The following ADAM12 variants were observed in gnomAD, a reference collection of about 807,000 sequenced individuals.
The protein encoded by ADAM12 is disintegrin and metalloproteinase domain-containing protein 12.
In ADAM12, 70 loss-of-function variants were observed where a neutral mutation model predicts 106.4. That is an observed-to-expected ratio of 0.66 (90% CI 0.54 to 0.80). The LOEUF (loss-of-function observed/expected upper bound fraction) is 0.80. Among genes scored for constraint, ADAM12 ranks in the 30% least tolerant of loss-of-function variants. The pLI, the probability that ADAM12 is intolerant of heterozygous loss-of-function variation, is 0.00. For missense variants in ADAM12, 1,010 were observed against 1,171.9 expected (o/e 0.86, Z 2.02); for synonymous variants, 420 against 433.5 (o/e 0.97, Z 0.39).
intron 11 of ADAM12, among the ~76,000 whole-genome samples, chr10:126,083,730 C>T (rs1396293329): frequency 6.6e-6 from 1 of 152,228 alleles, no homozygotes; most frequent in African/African-American, 2.4e-5. Context: ...AATAGGCGCC[C>T]CGCCTCAAAA....
In ADAM12 at chr10:126,053,558, A is replaced by C. The variant is rs1954558952; in HGVS notation, c.1610-3889T>G. Among the ~76,000 whole-genome samples, 1 of 152,144 alleles carries C rather than the reference A, an allele frequency of 6.6e-6. No individual in the cohort carries two copies. Among genetic ancestry groups the C allele is most frequent in the Non-Finnish European group, 1.5e-5 (1 of 68,018 alleles). On this transcript the variant is annotated intron_variant, in intron 14 of 22. Coordinates refer to ENST00000448723, the MANE Select transcript of ADAM12 (RefSeq NM_001288973.2). The surrounding 1 kb of genome is among the most constrained non-coding windows in gnomAD (Gnocchi z 4.6). Reference sequence around the variant, plus strand: ...GTGAATTTTTACCAACACAGATGACACAGTCAAGCATCATCTTATAATATG... The same window carrying C: ...GTGAATTTTTACCAACACAGATGACCCAGTCAAGCATCATCTTATAATATG...
intron 2 of ADAM12, among the ~76,000 whole-genome samples, chr10:126,315,380 C>T (rs565197675): frequency 1.2e-4 from 19 of 152,318 alleles, no homozygotes; most frequent in Middle Eastern, 3.4e-3. Flanking sequence ...GCCAAAAGAA[C>T]GTCTCCGTGT....
chr10:126,341,811 G>C (rs1262522293), intron 1 of ADAM12, among the ~76,000 whole-genome samples: 1 of 152,182 alleles, frequency 6.6e-6, no homozygotes, highest in Non-Finnish European at 1.5e-5. Context: ...GTGGGCACAG[G>C]GTGATGATTT....
chr10:126,041,041 C>T (rs574691349), intron 18 of ADAM12, among the ~76,000 whole-genome samples: 4 of 152,288 alleles, frequency 2.6e-5, no homozygotes, highest in Non-Finnish European at 4.4e-5. Context: ...ATGTTTCCCT[C>T]GCCCCCTTCA....
At chr10:126,237,356 A>C (rs796948922) in intron 3 of ADAM12, among the ~76,000 whole-genome samples, 15 of 151,506 alleles carry the variant, frequency 9.9e-5, no homozygotes, top group African/African-American at 3.4e-4. Flanking sequence ...CTATTCTATT[A>C]TTCTCAGAAA....
At chr10:126,135,809 A>T (rs1182342972) in intron 4 of ADAM12, 149 bp from the exon 5 acceptor site, 8 of 705,206 alleles carry the variant, frequency 1.1e-5, no homozygotes, top group Admixed American at 2.5e-5. Flanking sequence ...AAAGCCCAAC[A>T]TGACCCAGCC....
At chr10:126,286,950 CTG>C (rs2133770643) in intron 2 of ADAM12, among the ~76,000 whole-genome samples, 1 of 152,278 alleles carries the variant, frequency 6.6e-6, no homozygotes, top group African/African-American at 2.4e-5. Flanking sequence ...GATCTTCTCA[CTG>C]TGTTTCTGCA....
intron 1 of ADAM12, among the ~76,000 whole-genome samples, chr10:126,384,284 T>A (rs1270580091): frequency 6.6e-6 from 1 of 152,198 alleles, no homozygotes. Flanking sequence ...GCTGTCATGT[T>A]TTTTTGTTAT....
At chr10:126,059,122 C>A (rs1954696521) in intron 14 of ADAM12, among the ~76,000 whole-genome samples, 1 of 152,142 alleles carries the variant, frequency 6.6e-6, no homozygotes, top group Admixed American at 6.5e-5. Context: ...CTTCAGAGTG[C>A]TATAACTTAT....
chr10:126,132,924 T>G (rs927112325), intron 5 of ADAM12, among the ~76,000 whole-genome samples: 10 of 152,086 alleles, frequency 6.6e-5, no homozygotes, highest in African/African-American at 2.2e-4. Flanking sequence ...AAGCACTGGT[T>G]TTCCATGAAA....
intron 3 of ADAM12, among the ~76,000 whole-genome samples, chr10:126,266,985 T>C (rs1959109767): frequency 6.6e-6 from 1 of 152,172 alleles, no homozygotes; most frequent in South Asian, 2.1e-4. Context: ...GGGACACAGA[T>C]CCAAACCATA....
chr10:126,313,784 C>T (rs1961224039), intron 2 of ADAM12, among the ~76,000 whole-genome samples: 1 of 152,122 alleles, frequency 6.6e-6, no homozygotes, highest in South Asian at 2.1e-4. Context: ...TCTCTCTCCT[C>T]ATGGGATGGA....
chr10:126,348,290 G>T (rs1855222432), intron 1 of ADAM12, among the ~76,000 whole-genome samples: 1 of 152,186 alleles, frequency 6.6e-6, no homozygotes, highest in South Asian at 2.1e-4. Flanking sequence ...AGCAATCGGA[G>T]TTGGGCTAGA....
At chr10:126,330,116 C>T (rs1486820724) in intron 2 of ADAM12, among the ~76,000 whole-genome samples, 1 of 152,080 alleles carries the variant, frequency 6.6e-6, no homozygotes, top group African/African-American at 2.4e-5. Flanking sequence ...TAGAAAAATG[C>T]CCATCATTCA....
intron 1 of ADAM12, among the ~76,000 whole-genome samples, chr10:126,338,158 G>A (rs550051346): frequency 5.9e-4 from 90 of 151,994 alleles, no homozygotes; most frequent in Non-Finnish European, 1.1e-3. Flanking sequence ...CCAAGCACGA[G>A]CTGTCTCTAC....
chr10:126,299,049 G>C (rs1191735907), intron 2 of ADAM12, among the ~76,000 whole-genome samples: 1 of 152,202 alleles, frequency 6.6e-6, no homozygotes, highest in Non-Finnish European at 1.5e-5. Context: ...TTTGACAGCT[G>C]CTTGGAGATT....
At chr10:126,081,030 G>A (rs1408300790) in intron 11 of ADAM12, among the ~76,000 whole-genome samples, 2 of 152,116 alleles carry the variant, frequency 1.3e-5, no homozygotes, top group Admixed American at 1.3e-4. Flanking sequence ...GGTATGATTC[G>A]GAGACAACTG....
intron 3 of ADAM12, among the ~76,000 whole-genome samples, chr10:126,157,847 G>T (rs570161524): frequency 6.6e-6 from 1 of 151,812 alleles, no homozygotes; most frequent in Non-Finnish European, 1.5e-5. Flanking sequence ...ACGCAGTCAT[G>T]AGCAAAGGAG....
chr10:126,330,452 C>A lies in ADAM12; in HGVS notation c.146G>T (p.Ser49Ile). ...CTTCACTGGGATCCAGAGGTCCCCA[C>A]TCCCAACAGAGGCACTGACAACTTC... ...ADEVVSASVGSGDLWIPVKSF... is the reference protein window; with the variant it reads ...ADEVVSASVGIGDLWIPVKSF... Residue 49 changes from serine (S) to isoleucine (I), a missense_variant, in exon 2 of 23, where the codon AGT (serine) becomes ATT (isoleucine). This residue lies in a region of ADAM12 where 391 missense variants were observed against 442.9 expected (regional missense o/e 0.88). Transcript: ENST00000448723. 1 of 1,613,982 alleles carries A rather than the reference C, an allele frequency of 6.2e-7. No individual in the cohort carries two copies. The highest frequency in any genetic ancestry group is 8.5e-7 in the Non-Finnish European group (1 of 1,179,984).
Sources: gnomAD v4.1 joint callset for allele counts (sites outside exome capture counted in the v4.1 genomes callset) on GRCh38, gnomAD v4.1.1 for gene constraint, gnomAD v4.1.1 regional missense constraint, Gnocchi (gnomAD v3.1) non-coding constraint, MANE v1.5 for transcripts, NCBI Gene and HGNC (gene_info 2026-07-23, HGNC 2026-07-21) for gene names.